STAU1: variants seen among roughly 807,000 people sequenced by gnomAD.
STAU1 encodes double-stranded RNA-binding protein Staufen homolog 1.
STAU1 carries 13 observed loss-of-function variants against 62.9 expected under a neutral mutation model. That is an observed-to-expected ratio of 0.21 (90% CI 0.13 to 0.33). The LOEUF (loss-of-function observed/expected upper bound fraction) is 0.33, where lower values mean the gene tolerates loss of function less well. Among genes scored for constraint, STAU1 ranks in the 10% least tolerant of loss-of-function variants. STAU1 has a pLI of 1.00. For missense variants in STAU1, 571 were observed against 712.1 expected, an observed-to-expected ratio of 0.80 and a Z score of 2.25; for synonymous variants, 269 against 265.1, an observed-to-expected ratio of 1.01 and a Z score of -0.14.
the STAU1 span, among the ~76,000 whole-genome samples, chr20:49,199,141 A>G: frequency 6.6e-6 from 1 of 151,732 alleles, no homozygotes; most frequent in Non-Finnish European, 1.5e-5. Context: ...GAGAGACTCC[A>G]TCTCGAAACA....
At chr20:49,199,853 T>C in the STAU1 span, among the ~76,000 whole-genome samples, 1 of 152,062 alleles carries the variant, frequency 6.6e-6, no homozygotes, top group Non-Finnish European at 1.5e-5. Flanking sequence ...GGATTACAGA[T>C]GTCAGCCACT....
chr20:49,124,594 C>G lies in STAU1; in HGVS notation c.610-7G>C, dbSNP rs145469494. The G allele has an allele frequency of 1.1e-5, 18 of 1,613,410 alleles. No homozygotes were observed. The African/African-American group carries it at 2.0e-4, about 18-fold the overall frequency. On this transcript the variant is annotated splice_region_variant and splice_polypyrimidine_tract_variant and intron_variant, in intron 6 of 13. Coordinates refer to ENST00000371856, the MANE Select transcript of STAU1 (RefSeq NM_017453.4). ...GGCCACTCTCCCGGGCCACCTGTTTCAGAGGGAAAGACTGAGTGAAAGCGG... is the reference window on the plus strand; with the variant it reads ...GGCCACTCTCCCGGGCCACCTGTTTGAGAGGGAAAGACTGAGTGAAAGCGG...
At chr20:49,201,804 C>T in the STAU1 span, among the ~76,000 whole-genome samples, 21 of 148,678 alleles carry the variant, frequency 1.4e-4, 2 homozygotes, top group African/African-American at 5.2e-4. Context: ...TGAATGAAGA[C>T]AAAATTACAT....
At chr20:49,137,068 A>T (rs1402051108) in intron 5 of STAU1, among the ~76,000 whole-genome samples, 2 of 152,108 alleles carry the variant, frequency 1.3e-5, no homozygotes, top group Non-Finnish European at 2.9e-5. Flanking sequence ...GCAAGGTGAC[A>T]GTTGAGGATC....
chr20:49,124,408 A>C lies in STAU1; in HGVS notation c.789T>G (p.Pro263=), dbSNP rs1600626667. Residue 263 remains proline (P), a synonymous_variant, in exon 7 of 14, where the codon CCT becomes CCG. Coordinates refer to ENST00000371856, the MANE Select transcript of STAU1 (RefSeq NM_017453.4). ...PPLPAVERVK[P]RIKKKTKPIV... Reference sequence around the variant, plus strand: ...TGGGTTTTGTTTTCTTTTTGATTCTAGGCTTTACTCGTTCAACTGCAGGCA... The same window carrying C: ...TGGGTTTTGTTTTCTTTTTGATTCTCGGCTTTACTCGTTCAACTGCAGGCA... The C allele has an allele frequency of 1.2e-6, 2 of 1,614,132 alleles. No individual in the cohort carries two copies. Among genetic ancestry groups the C allele is most frequent in the East Asian group, 4.5e-5 (2 of 44,886 alleles).
chr20:49,176,457 TCTTAC>T (rs2093661617), intron 1 of STAU1, among the ~76,000 whole-genome samples: 1 of 152,188 alleles, frequency 6.6e-6, no homozygotes, highest in Non-Finnish European at 1.5e-5. Flanking sequence ...ACACAGAATT[TCTTAC>T]CTTGAGATGC....
chr20:49,134,449 A>AAAAAAAAAAAAAAAAAAAAGAAATG, intron 6 of STAU1: 1 of 609,626 alleles, frequency 1.6e-6, no homozygotes, highest in Non-Finnish European at 2.9e-6. Context: ...AAAAAAAAAA[A>AAAAAAAAAAAAAAAAAAAAGAAATG]GCTCTGGGTT....
At chr20:49,216,347 G>A in the STAU1 span, among the ~76,000 whole-genome samples, 3 of 152,012 alleles carry the variant, frequency 2.0e-5, no homozygotes. Flanking sequence ...CTAACATGGT[G>A]TAACCCTATC....
intron 5 of STAU1, among the ~76,000 whole-genome samples, chr20:49,143,511 TGAGGCCAA>T (rs1353701770): frequency 2.0e-5 from 3 of 152,134 alleles, no homozygotes; most frequent in African/African-American, 7.2e-5. Context: ...GAAGATCACT[TGAGGCCAA>T]GAGGTCAAGG....
chr20:49,194,224 T>C, the STAU1 span, among the ~76,000 whole-genome samples: 1 of 151,810 alleles, frequency 6.6e-6, no homozygotes, highest in African/African-American at 2.4e-5. Context: ...AGATTGGGAC[T>C]TGAGAGACCA....
intron 5 of STAU1, among the ~76,000 whole-genome samples, chr20:49,147,628 G>A (rs563492002): frequency 6.6e-6 from 1 of 152,244 alleles, no homozygotes; most frequent in Admixed American, 6.5e-5. Flanking sequence ...CTAGGACCGT[G>A]GACAAAGACT....
intron 3 of STAU1, among the ~76,000 whole-genome samples, chr20:49,154,955 G>T (rs1299888958): frequency 6.6e-6 from 1 of 152,072 alleles, no homozygotes; most frequent in East Asian, 1.9e-4. Flanking sequence ...GCATGGTGGC[G>T]CATGCCTGTA....
At chr20:49,192,001 A>C (rs190044048), upstream of STAU1, among the ~76,000 whole-genome samples, 1 of 152,106 alleles carries the variant, frequency 6.6e-6, no homozygotes, top group East Asian at 1.9e-4. Context: ...CAGTGAGCTG[A>C]GATCACGCCA....
At chr20:49,195,979 C>T in the STAU1 span, among the ~76,000 whole-genome samples, 1 of 149,232 alleles carries the variant, frequency 6.7e-6, no homozygotes, top group East Asian at 2.0e-4. Context: ...TGGCTCATGC[C>T]TGTAATCCTG....
intron 3 of STAU1, among the ~76,000 whole-genome samples, chr20:49,165,288 C>T (rs2093508227): frequency 6.6e-6 from 1 of 151,208 alleles, no homozygotes; most frequent in South Asian, 2.1e-4. Context: ...CGTGATCTGC[C>T]CGCCTTGGCC....
At chr20:49,157,959 T>C (rs1192232971) in intron 3 of STAU1, among the ~76,000 whole-genome samples, 4 of 152,072 alleles carry the variant, frequency 2.6e-5, no homozygotes, top group Admixed American at 6.6e-5. Flanking sequence ...CCCCAAAGAT[T>C]TGAGATTCAC....
intron 7 of STAU1, among the ~76,000 whole-genome samples, chr20:49,124,142 C>T (rs562451638): frequency 2.0e-5 from 3 of 152,318 alleles, no homozygotes; most frequent in East Asian, 3.9e-4. Context: ...CTGTGATGAG[C>T]GCCCTCCTGC....
chr20:49,202,231 AAAG>A, the STAU1 span, among the ~76,000 whole-genome samples: 2,121 of 44,210 alleles, frequency 0.048, 21 homozygotes, highest in Middle Eastern at 0.12. Context: ...AAAAAAAAAA[AAAG>A]AAAGAAAGAA....
intron 1 of STAU1, among the ~76,000 whole-genome samples, chr20:49,180,332 T>TTTTC (rs1555873834): frequency 6.8e-6 from 1 of 146,674 alleles, no homozygotes; most frequent in Non-Finnish European, 1.5e-5. Context: ...TTTTTTTTTT[T>TTTTC]CCCCCCCTGG....
Sources: allele counts gnomAD v4.1 joint callset (sites outside exome capture counted in the v4.1 genomes callset), GRCh38; gene constraint gnomAD v4.1.1; transcripts MANE v1.5; gene names NCBI Gene and HGNC (gene_info 2026-07-23, HGNC 2026-07-21).